DARS1: variants seen among roughly 807,000 people sequenced by gnomAD.
DARS1 encodes the protein aspartyl-tRNA synthetase 1.
In DARS1, 51 loss-of-function variants were observed where a neutral mutation model predicts 68.8. The observed-to-expected ratio is 0.74, with a 90% CI of 0.59 to 0.94. DARS1 has a LOEUF of 0.94. Among genes scored for constraint, DARS1 ranks in the 40% least tolerant of loss-of-function variants. The pLI, the probability that DARS1 is intolerant of heterozygous loss-of-function variation, is 0.00. For synonymous variants in DARS1, 203 were observed against 190.4 expected (o/e 1.07, Z -0.55); for missense variants, 607 against 597.3 (o/e 1.02, Z -0.17).
intron 15 of DARS1, chr2:135,910,876 TA>T: frequency 2.8e-6 from 1 of 352,534 alleles, no homozygotes; most frequent in Non-Finnish European, 5.3e-6. Context: ...TAATTTGTGC[TA>T]ATGCGAATGA....
chr2:135,933,964 G>A lies in DARS1; in HGVS notation c.450C>T (p.Pro150=), dbSNP rs1202789363. 6.2e-7 allele frequency: 1 copy of A among 1,613,532 alleles called. No homozygotes were observed. Reference sequence around the variant, plus strand: ...CATCATCCAGCTGCAGGGGCAGACGGGGTTCAGCCAAACTGATCACATAAA... The same window carrying A: ...CATCATCCAGCTGCAGGGGCAGACGAGGTTCAGCCAAACTGATCACATAAA... ...QKIYVISLAE[P]RLPLQLDDAV... Residue 150 remains proline, a synonymous_variant, in exon 6 of 16, where the codon CCC becomes CCT. Transcript: ENST00000264161.
At chr2:135,946,938 C>T (rs527439708) in intron 4 of DARS1, among the ~76,000 whole-genome samples, 6 of 152,214 alleles carry the variant, frequency 3.9e-5, no homozygotes, top group South Asian at 4.2e-4. Context: ...GGCACCACCA[C>T]GCCCGGCTAA....
chr2:135,935,599 C>T (rs774836758), intron 5 of DARS1, among the ~76,000 whole-genome samples: 4 of 151,632 alleles, frequency 2.6e-5, no homozygotes, highest in Non-Finnish European at 5.9e-5. Flanking sequence ...GACTCTGTCT[C>T]GAAAAAATAA....
chr2:135,983,056 G>C (rs1033477069), intron 2 of DARS1, among the ~76,000 whole-genome samples: 6 of 152,176 alleles, frequency 3.9e-5, no homozygotes, highest in Non-Finnish European at 8.8e-5. Context: ...ATGCAAAAAG[G>C]CTACATGTGA....
chr2:135,963,591 C>T (rs1416998265), intron 3 of DARS1, among the ~76,000 whole-genome samples: 9 of 151,836 alleles, frequency 5.9e-5, no homozygotes, highest in East Asian at 1.9e-4. Flanking sequence ...AGGCTGGTCT[C>T]GAACTCCTGA....
intron 4 of DARS1, among the ~76,000 whole-genome samples, chr2:135,947,756 C>T (rs1235840993): frequency 2.0e-5 from 3 of 151,370 alleles, no homozygotes; most frequent in East Asian, 2.0e-4. Context: ...ATCATCAGCT[C>T]ACTATGAAAT....
In DARS1 at chr2:135,924,512, A is replaced by G. The variant is rs1391004455; in HGVS notation, c.565-14T>C. On this transcript the variant is annotated splice_polypyrimidine_tract_variant and intron_variant, in intron 7 of 15. Coordinates refer to ENST00000264161, the MANE Select transcript of DARS1 (RefSeq NM_001349.4). ...ACTAGTTGATGTCTAGAAGACAGTA[A>G]TAAAATCTAATTAAATCAACGTACT... 2 of 1,595,816 alleles carry G rather than the reference A, an allele frequency of 1.3e-6. No homozygotes were observed. Among genetic ancestry groups the G allele is most frequent in the East Asian group, 4.6e-5 (2 of 43,582 alleles).
intron 3 of DARS1, among the ~76,000 whole-genome samples, chr2:135,967,579 C>T (rs1682264693): frequency 6.6e-6 from 1 of 152,146 alleles, no homozygotes; most frequent in Non-Finnish European, 1.5e-5. Context: ...ATAAACCTAC[C>T]ATAAGAAATC....
rs561593955 is a variant in DARS1 at position 135,984,260 on chromosome 2, A to C, written c.67-806T>G. On this transcript the variant is annotated intron_variant, in intron 1 of 15. Transcript: ENST00000264161. ...CAATGTCTACCTTGTATCTAGACCT[A>C]TACTATCTGTAAGGGTACACTGATA... 8.7e-4 allele frequency among the ~76,000 whole-genome samples: 133 copies of C among 152,366 alleles called. 3 individuals carry two copies. The highest frequency in any genetic ancestry group is 2.8e-3 in the African/African-American group (116 of 41,584).
chr2:135,981,189 G>A (rs1682622768), intron 2 of DARS1, among the ~76,000 whole-genome samples: 1 of 152,174 alleles, frequency 6.6e-6, no homozygotes. Context: ...GGATTTGCCA[G>A]CAAAAGAACA....
intron 3 of DARS1, among the ~76,000 whole-genome samples, chr2:135,978,080 T>C (rs563378760): frequency 1.4e-5 from 2 of 140,958 alleles, no homozygotes; most frequent in South Asian, 2.2e-4. Context: ...GAGGCAGAGA[T>C]TGCAGTGAGC....
chr2:135,911,483 T>G lies in DARS1; in HGVS notation c.1241A>C (p.Asn414Thr), dbSNP rs758384678. 2 of 960,964 alleles carry G rather than the reference T, an allele frequency of 2.1e-6. No homozygotes were observed. The highest frequency in any genetic ancestry group is 3.4e-6 in the Non-Finnish European group (2 of 584,430). 59.5% of individuals were successfully genotyped at this position (960,964 alleles called of 1,614,324 possible). A position where few individuals can be genotyped will look rare whatever the true frequency, so the allele number is the denominator to read the frequency against. ...MPDPRNPKQS[N>T]SYDMFMRGEE... ...TCCTCTCATGAACATATCGTAAGAG[T>G]TGGACTGTTTCTGCAAGAGAAAAAA... The change falls in exon 14 of 16, where the codon AAC becomes ACC. Residue 414 changes from asparagine to threonine, a missense_variant. Coordinates refer to ENST00000264161, the MANE Select transcript of DARS1 (RefSeq NM_001349.4).
rs1227209263 is a variant in DARS1 at position 135,906,822 on chromosome 2, T to A, written c.*494A>T. The A allele has an allele frequency of 6.6e-6, 1 of 152,458 alleles. No homozygotes were observed. The highest frequency in any genetic ancestry group is 1.5e-5 in the Non-Finnish European group (1 of 68,118). 9.4% of individuals were successfully genotyped at this position (152,458 alleles called of 1,614,324 possible). A position where few individuals can be genotyped will look rare whatever the true frequency, so the allele number is the denominator to read the frequency against. On this transcript the variant is annotated 3_prime_UTR_variant, in exon 16 of 16. Coordinates refer to ENST00000264161, the MANE Select transcript of DARS1 (RefSeq NM_001349.4). ...TAAGAACTGATACTTTCTGGTTAAT[T>A]TTCCATGATATGCCAATTATACATT...
chr2:135,937,473 T>A (rs1182576175), intron 5 of DARS1, among the ~76,000 whole-genome samples: 1 of 152,198 alleles, frequency 6.6e-6, no homozygotes, highest in African/African-American at 2.4e-5. Flanking sequence ...TATTTTGACT[T>A]CTCTATGTTG....
At chr2:135,982,981 A>G (rs948728948) in intron 2 of DARS1, among the ~76,000 whole-genome samples, 1 of 152,226 alleles carries the variant, frequency 6.6e-6, no homozygotes, top group Non-Finnish European at 1.5e-5. Context: ...AATAATAGCT[A>G]AAAACAGTCA....
intron 7 of DARS1, among the ~76,000 whole-genome samples, chr2:135,931,437 C>T (rs1681346471): frequency 6.6e-6 from 1 of 152,064 alleles, no homozygotes; most frequent in Admixed American, 6.6e-5. Context: ...GGGGTCTTGC[C>T]ATGTTGCCCA....
chr2:135,959,804 C>T (rs1005070625), intron 4 of DARS1, among the ~76,000 whole-genome samples: 19 of 152,116 alleles, frequency 1.2e-4, no homozygotes, highest in South Asian at 2.1e-4. Context: ...AGGAATGTAA[C>T]GCCGAGGTTA....
intron 5 of DARS1, 125 bp downstream of exon 5, chr2:135,943,253 T>C (rs1225247046): frequency 2.3e-6 from 3 of 1,320,360 alleles, no homozygotes; most frequent in Non-Finnish European, 3.0e-6. Flanking sequence ...AGCTAATTGA[T>C]TCAGTAACTA....
rs541379721 is a variant in DARS1 at position 135,943,374 on chromosome 2, T to A, written c.423+4A>T. The A allele has an allele frequency of 1.2e-6, 2 of 1,605,900 alleles. No homozygotes were observed. The highest frequency in any genetic ancestry group is 1.7e-6 in the Non-Finnish European group (2 of 1,177,322). On this transcript the variant is annotated splice_donor_region_variant and intron_variant, in intron 5 of 15. Coordinates refer to ENST00000264161, the MANE Select transcript of DARS1 (RefSeq NM_001349.4). Reference sequence around the variant, plus strand: ...ATGCGATTTTATATTTTGAAAAAACTTACCTTCTGAACATGTAACTCAACG... The same window carrying A: ...ATGCGATTTTATATTTTGAAAAAACATACCTTCTGAACATGTAACTCAACG...
Sources: gnomAD v4.1 joint callset for allele counts (sites outside exome capture counted in the v4.1 genomes callset) on GRCh38, gnomAD v4.1.1 for gene constraint, MANE v1.5 for transcripts, NCBI Gene and HGNC (gene_info 2026-07-23, HGNC 2026-07-21) for gene names.